Variants in HEATR5B observed in about 807,000 individuals in gnomAD.
HEATR5B encodes the protein HEAT repeat containing 5B.
A neutral mutation model predicts 224.1 loss-of-function variants in HEATR5B; 156 were observed. The ratio of observed to expected loss-of-function variants is 0.70; its 90% CI spans 0.61 to 0.80. HEATR5B has a LOEUF of 0.80. Ranked by LOEUF, HEATR5B falls within the 30% of genes least tolerant of loss-of-function variation. The probability of loss-of-function intolerance (pLI) is 0.00; values close to 1 mark genes in which losing one functional copy is unlikely to be tolerated. For missense variants in HEATR5B, 2,323 were observed against 2,535.5 expected (o/e 0.92, Z 1.80); for synonymous variants, 1,027 against 893.0 (o/e 1.15, Z -2.68).
intron 26 of HEATR5B, among the ~76,000 whole-genome samples, chr2:37,015,483 C>T (rs1313449840): frequency 1.3e-5 from 2 of 152,228 alleles, no homozygotes; most frequent in South Asian, 2.1e-4. Flanking sequence ...CTGAGACAGA[C>T]TTGTAGTTAG....
At chr2:37,071,515 C>T (rs1671905982) in intron 6 of HEATR5B, among the ~76,000 whole-genome samples, 1 of 152,046 alleles carries the variant, frequency 6.6e-6, no homozygotes, top group Non-Finnish European at 1.5e-5. Flanking sequence ...AAATAAAGTG[C>T]TGAAAATAAG....
Position 37,049,847 on chromosome 2 carries a change from C to T in HEATR5B, c.2506-4G>A. On this transcript the variant is annotated splice_polypyrimidine_tract_variant and splice_region_variant and intron_variant, in intron 17 of 35. Coordinates refer to ENST00000233099, the MANE Select transcript of HEATR5B (RefSeq NM_019024.3). ...TACTTTTGTTTTCAGCTAAGCCCTA[C>T]ATTAAAAAAAAAAAAAAAAAAAAGA... 5 of 696,338 alleles carry T rather than the reference C, an allele frequency of 7.2e-6. No homozygotes were observed. The highest frequency in any genetic ancestry group is 7.8e-6 in the Non-Finnish European group (4 of 513,480). 43.1% of individuals were successfully genotyped at this position (696,338 alleles called of 1,614,324 possible).
intron 35 of HEATR5B, among the ~76,000 whole-genome samples, chr2:36,982,122 C>G (rs544905181): frequency 6.6e-6 from 1 of 151,752 alleles, no homozygotes; most frequent in South Asian, 2.1e-4. Context: ...AAAATTTTTA[C>G]GGGCATTCTA....
intron 24 of HEATR5B, among the ~76,000 whole-genome samples, chr2:37,025,850 CT>C (rs1045829726): frequency 3.3e-5 from 5 of 152,156 alleles, no homozygotes; most frequent in African/African-American, 1.2e-4. Context: ...TCCTCTGATT[CT>C]TTTTATTTAC....
chr2:37,074,315 C>T (rs1672096299), intron 5 of HEATR5B, among the ~76,000 whole-genome samples: 1 of 142,778 alleles, frequency 7.0e-6, no homozygotes, highest in African/African-American at 2.6e-5. Context: ...GAGCAAGACT[C>T]CATCTCAAAA....
At chr2:37,041,960 CA>C (rs1307528501) in intron 18 of HEATR5B, among the ~76,000 whole-genome samples, 1 of 151,700 alleles carries the variant, frequency 6.6e-6, no homozygotes, top group African/African-American at 2.4e-5. Flanking sequence ...TTTGTTTTCA[CA>C]GTATTACATA....
chr2:37,067,504 C>T (rs879591795), intron 8 of HEATR5B, among the ~76,000 whole-genome samples: 13 of 152,182 alleles, frequency 8.5e-5, no homozygotes, highest in Admixed American at 5.9e-4. Flanking sequence ...CGTGGTGGCT[C>T]ATACCTGTAA....
intron 11 of HEATR5B, 141 bp from the exon 12 acceptor site, chr2:37,060,874 G>T: frequency 1.9e-6 from 1 of 522,068 alleles, no homozygotes; most frequent in Non-Finnish European, 3.3e-6. Flanking sequence ...AACAATATCT[G>T]TTATTTCACT....
At chr2:37,053,729 T>C (rs1253732169) in intron 16 of HEATR5B, 122 bp from the exon 17 acceptor site, 7 of 565,990 alleles carry the variant, frequency 1.2e-5, no homozygotes, top group Non-Finnish European at 2.2e-5. Context: ...ATCTCTTTTC[T>C]ATTTCATTCC....
chr2:37,018,204 A>AT (rs1433973439), intron 26 of HEATR5B, among the ~76,000 whole-genome samples: 1 of 151,650 alleles, frequency 6.6e-6, no homozygotes, highest in East Asian at 1.9e-4. Flanking sequence ...ATAAAAAAAA[A>AT]TGCAACTAGG....
intron 24 of HEATR5B, among the ~76,000 whole-genome samples, chr2:37,026,544 C>T (rs12105601): frequency 0.56 from 85,187 of 151,902 alleles, 24,102 homozygotes; most frequent in East Asian, 0.66. Context: ...TCAAAGTACT[C>T]TAACATACTA....
At chr2:37,083,566 G>A in intron 1 of HEATR5B, 130 bp from the exon 2 acceptor site, 1 of 647,154 alleles carries the variant, frequency 1.5e-6, no homozygotes, top group Non-Finnish European at 2.6e-6. Context: ...CTTCTTTGAG[G>A]CAAAACCTGA....
intron 33 of HEATR5B, among the ~76,000 whole-genome samples, chr2:36,993,541 T>TA (rs1010348134): frequency 1.7e-3 from 215 of 129,230 alleles, no homozygotes; most frequent in Middle Eastern, 4.0e-3. Flanking sequence ...AGACTCTGTT[T>TA]AAAAAAAAAA....
intron 26 of HEATR5B, among the ~76,000 whole-genome samples, chr2:37,017,084 T>G (rs1002429808): frequency 6.6e-6 from 1 of 152,196 alleles, no homozygotes; most frequent in Non-Finnish European, 1.5e-5. Flanking sequence ...GATTAGGAAT[T>G]TGGCACTAAG....
chr2:37,073,957 AT>A (rs1672067691), intron 5 of HEATR5B, among the ~76,000 whole-genome samples: 1 of 152,224 alleles, frequency 6.6e-6, no homozygotes, highest in Admixed American at 6.5e-5. Context: ...ATACCTACAC[AT>A]ATACACACAA....
chr2:36,982,231 C>A (rs1392536109), intron 35 of HEATR5B, among the ~76,000 whole-genome samples: 2 of 152,058 alleles, frequency 1.3e-5, no homozygotes, highest in East Asian at 3.9e-4. Context: ...AGTAGAAATA[C>A]AATACAACTT....
chr2:37,065,616 A>G, intron 9 of HEATR5B, 139 bp downstream of exon 9: 2 of 771,598 alleles, frequency 2.6e-6, no homozygotes, highest in East Asian at 2.7e-5. Flanking sequence ...GCCTATCACA[A>G]TGAATATTAA....
intron 22 of HEATR5B, among the ~76,000 whole-genome samples, chr2:37,030,072 T>C (rs1669029747): frequency 6.6e-6 from 1 of 152,206 alleles, no homozygotes; most frequent in Non-Finnish European, 1.5e-5. Context: ...TTTTCATTCT[T>C]GTAAACAGCA....
intron 2 of HEATR5B, among the ~76,000 whole-genome samples, chr2:37,080,484 T>C (rs1158792392): frequency 2.6e-5 from 4 of 152,136 alleles, no homozygotes; most frequent in Non-Finnish European, 4.4e-5. Context: ...AACCATAGGA[T>C]TTGCTGGTGA....
Sources: gnomAD v4.1 joint callset for allele counts (sites outside exome capture counted in the v4.1 genomes callset) on GRCh38, gnomAD v4.1.1 for gene constraint, MANE v1.5 for transcripts, NCBI Gene and HGNC (gene_info 2026-07-23, HGNC 2026-07-21) for gene names.